CDKN2AIPNL: variants seen among roughly 807,000 people sequenced by gnomAD.
The protein encoded by CDKN2AIPNL is XRN2 binding domain containing 1.
CDKN2AIPNL carries 9 observed loss-of-function variants against 12.9 expected under a neutral mutation model. The observed-to-expected ratio is 0.70, with a 90% CI of 0.42 to 1.22. CDKN2AIPNL has a LOEUF of 1.22. Ranked by LOEUF, CDKN2AIPNL falls within the 50% of genes most tolerant of loss-of-function variation. The pLI is 0.00. For synonymous variants in CDKN2AIPNL, 53 were observed against 61.7 expected, an observed-to-expected ratio of 0.86 and a Z score of 0.66; for missense variants, 143 against 153.6, an observed-to-expected ratio of 0.93 and a Z score of 0.37.
intron 2 of CDKN2AIPNL, among the ~76,000 whole-genome samples, chr5:134,403,529 T>G (rs1759058487): frequency 2.0e-5 from 3 of 152,242 alleles, no homozygotes; most frequent in Admixed American, 1.3e-4. Flanking sequence ...TGAATGAATT[T>G]CCTTAACATT....
In CDKN2AIPNL at chr5:134,409,939, C is replaced by G. The variant is rs1759165034; in HGVS notation, c.303G>C (p.Leu101=). 1 of 1,611,906 alleles carries G rather than the reference C, an allele frequency of 6.2e-7. No homozygotes were observed. Among genetic ancestry groups the G allele is most frequent in the Admixed American group, 1.7e-5 (1 of 59,908 alleles). Residue 101 remains leucine, a synonymous_variant, in exon 2 of 3, where the codon CTG becomes CTC. Coordinates refer to ENST00000458198, the MANE Select transcript of CDKN2AIPNL (RefSeq NM_080656.3). ...EMADGIEVED[L]PQFTTRSELM... ...ATTCACTTCTGGTAGTAAATTGTGG[C>G]AGGTCTTCCACTTCAATCCCATCGG...
At position 134,409,979 on chromosome 5, in the gene CDKN2AIPNL, T is replaced by G; in HGVS notation, c.263A>C (p.Lys88Thr). Residue 88 changes from lysine (K) to threonine (T), a missense_variant, in exon 2 of 3, where the codon AAG becomes ACG. Lys to Thr is a moderately conservative substitution (Grantham distance 78, BLOSUM62 -1). Coordinates refer to ENST00000458198, the MANE Select transcript of CDKN2AIPNL (RefSeq NM_080656.3). ...AATCCCATCGGCCATTTCCATCACC[T>G]TGTCTAAAAGGTCTTTATTGTAACT... ...GCSYNKDLLDKVMEMADGIEV... is the reference protein window; with the variant it reads ...GCSYNKDLLDTVMEMADGIEV... The G allele has an allele frequency of 8.1e-6, 13 of 1,612,872 alleles. No homozygotes were observed. Among genetic ancestry groups the G allele is most frequent in the Non-Finnish European group, 1.1e-5 (13 of 1,179,372 alleles).
At chr5:134,403,655 C>T (rs1759060337) in intron 2 of CDKN2AIPNL, among the ~76,000 whole-genome samples, 1 of 152,228 alleles carries the variant, frequency 6.6e-6, no homozygotes, top group African/African-American at 2.4e-5. Flanking sequence ...GACGGAGTCT[C>T]ACTCTGTTAC....
intron 2 of CDKN2AIPNL, among the ~76,000 whole-genome samples, chr5:134,408,348 C>G (rs1031499150): frequency 6.6e-6 from 1 of 151,870 alleles, no homozygotes; most frequent in Non-Finnish European, 1.5e-5. Context: ...ACACTGCTCC[C>G]TGGCTAAAAA....
At chr5:134,404,544 T>G (rs1759072949) in intron 2 of CDKN2AIPNL, among the ~76,000 whole-genome samples, 1 of 152,048 alleles carries the variant, frequency 6.6e-6, no homozygotes. Context: ...CCCAGGCTGG[T>G]CTGGAACTCC....
rs5871539 is a variant in CDKN2AIPNL, at chr5:134,407,256, AACACACAC to A, written c.339+2639_339+2646del. ...AGGATGTTTCAGAAAGACCCTTCCT[AACACACAC>A]ACACACACACACACACACACACACA... On this transcript the variant is annotated intron_variant, in intron 2 of 2. Transcript: ENST00000458198. 3.9e-3 allele frequency among the ~76,000 whole-genome samples: 550 copies of A among 139,654 alleles called. 1 individual carries two copies. The highest frequency in any genetic ancestry group is 4.4e-3 in the African/African-American group (163 of 36,928). The allele number at this position is 139,654 out of a possible 152,430, so 91.6% of individuals were successfully genotyped here.
At chr5:134,411,077 C>CG in intron 1 of CDKN2AIPNL, 1 of 702,502 alleles carries the variant, frequency 1.4e-6, no homozygotes, top group South Asian at 1.5e-5. Context: ...CTTAGGACCC[C>CG]GTGGGCTGTG....
intron 2 of CDKN2AIPNL, among the ~76,000 whole-genome samples, chr5:134,404,377 G>A (rs1218686027): frequency 6.6e-6 from 1 of 152,046 alleles, no homozygotes; most frequent in Non-Finnish European, 1.5e-5. Context: ...AAGCTGGAGT[G>A]CAGTGGTACG....
chr5:134,411,044 CAG>C (rs1759183209), intron 1 of CDKN2AIPNL: 2 of 702,452 alleles, frequency 2.8e-6, no homozygotes, highest in African/African-American at 3.5e-5. Flanking sequence ...AGAGGGAAAG[CAG>C]AGAGGTGAAG....
At chr5:134,404,255 A>C (rs188963112) in intron 2 of CDKN2AIPNL, among the ~76,000 whole-genome samples, 87 of 152,328 alleles carry the variant, frequency 5.7e-4, no homozygotes, top group African/African-American at 1.9e-3. Flanking sequence ...AGAGTAAAAG[A>C]CAAGTAGCTC....
intron 2 of CDKN2AIPNL, among the ~76,000 whole-genome samples, chr5:134,404,212 A>C (rs985849716): frequency 6.6e-6 from 1 of 152,202 alleles, no homozygotes; most frequent in African/African-American, 2.4e-5. Context: ...GGGATCAGAC[A>C]CACCTTTTCT....
At chr5:134,407,418 G>A (rs1236292399) in intron 2 of CDKN2AIPNL, among the ~76,000 whole-genome samples, 1 of 152,114 alleles carries the variant, frequency 6.6e-6, no homozygotes, top group Non-Finnish European at 1.5e-5. Flanking sequence ...ACTGGAAAGA[G>A]TTCAGATACC....
At position 134,402,882 on chromosome 5, in the gene CDKN2AIPNL, A is replaced by G; in HGVS notation, c.*33T>C. 1 of 1,604,228 alleles carries G rather than the reference A, an allele frequency of 6.2e-7. No individual in the cohort carries two copies. The highest frequency in any genetic ancestry group is 8.5e-7 in the Non-Finnish European group (1 of 1,174,844). The stretch of plus-strand genomic sequence containing the variant: ...ATCCCAGCCTCCTTTCTAATCCTGT[A>G]GCTGATGATGAAAATGTGATAAATC... On this transcript the variant is annotated 3_prime_UTR_variant, in exon 3 of 3. Coordinates refer to ENST00000458198, the MANE Select transcript of CDKN2AIPNL (RefSeq NM_080656.3).
intron 2 of CDKN2AIPNL, among the ~76,000 whole-genome samples, chr5:134,404,797 CT>C (rs1269835281): frequency 1.3e-5 from 2 of 151,900 alleles, no homozygotes; most frequent in Non-Finnish European, 2.9e-5. Flanking sequence ...CTTTTTCTTT[CT>C]TTTTTTTGAA....
chr5:134,411,540 CA>C (rs1759190657), intron 1 of CDKN2AIPNL, 75 bp downstream of exon 1: 6 of 1,309,480 alleles, frequency 4.6e-6, no homozygotes, highest in Middle Eastern at 2.0e-4. Context: ...AGGTTCGGGT[CA>C]GGGGTGAGCC....
intron 2 of CDKN2AIPNL, among the ~76,000 whole-genome samples, chr5:134,406,861 C>T (rs1322377872): frequency 6.6e-6 from 1 of 152,174 alleles, no homozygotes; most frequent in Non-Finnish European, 1.5e-5. Context: ...CAGAGAGAGA[C>T]CCCTGTCTGA....
At chr5:134,403,985 C>A (rs1232303625) in intron 2 of CDKN2AIPNL, among the ~76,000 whole-genome samples, 1 of 152,194 alleles carries the variant, frequency 6.6e-6, no homozygotes, top group Non-Finnish European at 1.5e-5. Context: ...TATAAGAAGA[C>A]TTTCACCATT....
At chr5:134,409,344 G>A (rs1297366928) in intron 2 of CDKN2AIPNL, among the ~76,000 whole-genome samples, 1 of 152,210 alleles carries the variant, frequency 6.6e-6, no homozygotes, top group African/African-American at 2.4e-5. Flanking sequence ...TCCATATTCT[G>A]AGGTTCTTTC....
intron 2 of CDKN2AIPNL, among the ~76,000 whole-genome samples, chr5:134,408,640 G>A (rs555174880): frequency 2.0e-4 from 31 of 151,836 alleles, no homozygotes; most frequent in Middle Eastern, 3.4e-3. Flanking sequence ...AGCCCAGATC[G>A]CACCACCTCA....
Sources: allele counts gnomAD v4.1 joint callset (sites outside exome capture counted in the v4.1 genomes callset), GRCh38; gene constraint gnomAD v4.1.1; transcripts MANE v1.5; gene names NCBI Gene and HGNC (gene_info 2026-07-23, HGNC 2026-07-21).